Variants in ELAPOR1 observed in about 807,000 individuals in gnomAD.
The protein encoded by ELAPOR1 is endosome/lysosome-associated apoptosis and autophagy regulator 1.
In ELAPOR1, 77 loss-of-function variants were observed where a neutral mutation model predicts 119.7. The ratio of observed to expected loss-of-function variants is 0.64; its 90% CI spans 0.54 to 0.78. ELAPOR1 has a LOEUF of 0.78. ELAPOR1 is among the 30% of genes least tolerant of loss of function. ELAPOR1 has a pLI of 0.00. For synonymous variants in ELAPOR1, 481 were observed against 487.2 expected (o/e 0.99, Z 0.17); for missense variants, 1,115 against 1,270.4 (o/e 0.88, Z 1.86).
At chr1:109,123,403 T>C (rs1456951103) in intron 1 of ELAPOR1, among the ~76,000 whole-genome samples, 3 of 152,200 alleles carry the variant, frequency 2.0e-5, no homozygotes. Context: ...TTTATATACT[T>C]TCAGCATCTT....
In ELAPOR1 at chr1:109,204,793, A is replaced by T. The variant is rs573929302; in HGVS notation, c.*1781A>T. On this transcript the variant is annotated 3_prime_UTR_variant, in exon 22 of 22. Transcript: ENST00000369939. Reference sequence around the variant, plus strand: ...GTTTAACAAGATTTTCACTGGGCCCAGCATGGTGGCTCACACCTGTAATCC... The same window carrying T: ...GTTTAACAAGATTTTCACTGGGCCCTGCATGGTGGCTCACACCTGTAATCC... The T allele has an allele frequency of 7.9e-5, 12 of 152,422 alleles. No individual in the cohort carries two copies. The East Asian group carries it at 2.3e-3, about 29-fold the overall frequency. 9.4% of individuals were successfully genotyped at this position (152,422 alleles called of 1,614,324 possible).
intron 1 of ELAPOR1, among the ~76,000 whole-genome samples, chr1:109,115,528 C>G (rs893669378): frequency 4.6e-5 from 7 of 152,200 alleles, no homozygotes; most frequent in African/African-American, 1.7e-4. Context: ...GACTTCCCAC[C>G]TCGGCCTCCC....
intron 1 of ELAPOR1, among the ~76,000 whole-genome samples, chr1:109,122,319 G>A (rs866207125): frequency 3.3e-5 from 5 of 149,812 alleles, no homozygotes; most frequent in African/African-American, 7.4e-5. Flanking sequence ...GATTACAGGC[G>A]TGAGCCACTG....
At chr1:109,201,112 C>G (rs1654149885) in intron 21 of ELAPOR1, among the ~76,000 whole-genome samples, 1 of 152,228 alleles carries the variant, frequency 6.6e-6, no homozygotes, top group South Asian at 2.1e-4. Flanking sequence ...TGCTCTTGAT[C>G]AGGCTCCTTC....
chr1:109,184,542 G>A (rs1652931888), intron 7 of ELAPOR1, among the ~76,000 whole-genome samples: 1 of 152,198 alleles, frequency 6.6e-6, no homozygotes, highest in South Asian at 2.1e-4. Flanking sequence ...GCATATATTA[G>A]AACATTCATA....
At chr1:109,164,381 AG>A (rs1651444155) in intron 2 of ELAPOR1, 117 bp from the exon 3 acceptor site, 1 of 804,964 alleles carries the variant, frequency 1.2e-6, no homozygotes. Context: ...CCTAAATCTT[AG>A]TGGGCCAAAC....
At position 109,186,668 on chromosome 1, in the gene ELAPOR1, A is replaced by G. The variant is rs1479254812; in HGVS notation, c.1042-1509A>G. On this transcript the variant is annotated intron_variant, in intron 8 of 21. Transcript: ENST00000369939. ...TATGACCTTGTGAACATTTATTTTCATTTTCTTGGTCTCAGCCAACTCACT... is the reference window on the plus strand; with the variant it reads ...TATGACCTTGTGAACATTTATTTTCGTTTTCTTGGTCTCAGCCAACTCACT... 10 of 985,196 alleles carry G rather than the reference A, an allele frequency of 1.0e-5. No individual in the cohort carries two copies. In the Admixed American group the frequency reaches 6.2e-4, roughly 61 times the overall value. The allele number at this position is 985,196 out of a possible 1,614,324, so 61.0% of individuals were successfully genotyped here. A position where few individuals can be genotyped will look rare whatever the true frequency, so the allele number is the denominator to read the frequency against.
chr1:109,185,832 TG>T (rs1265826905), intron 8 of ELAPOR1, among the ~76,000 whole-genome samples: 1 of 151,930 alleles, frequency 6.6e-6, no homozygotes, highest in Non-Finnish European at 1.5e-5. Flanking sequence ...GACCAGGACT[TG>T]GGGTGGGGGC....
intron 1 of ELAPOR1, among the ~76,000 whole-genome samples, chr1:109,123,606 A>T (rs890231882): frequency 1.3e-5 from 2 of 152,304 alleles, no homozygotes; most frequent in East Asian, 1.9e-4. Flanking sequence ...ATACTATTTT[A>T]AAATAATCTT....
rs143376701 is a variant in ELAPOR1 at position 109,118,594 on chromosome 1, C to T, written c.153+4258C>T. Among the ~76,000 whole-genome samples, 17 of 152,182 alleles carry T rather than the reference C, an allele frequency of 1.1e-4. No individual in the cohort carries two copies. In the East Asian group the frequency reaches 3.1e-3, roughly 28 times the overall value. On this transcript the variant is annotated intron_variant, in intron 1 of 21. Coordinates refer to ENST00000369939, the MANE Select transcript of ELAPOR1 (RefSeq NM_020775.5). ...GGGGGCAGTGGAATACATGGAAAGG[C>T]GTCTGTGTGAAAAACATGCTGACGG...
chr1:109,182,883 A>AAAT (rs1156971183), intron 7 of ELAPOR1, among the ~76,000 whole-genome samples: 4 of 151,842 alleles, frequency 2.6e-5, no homozygotes, highest in African/African-American at 9.7e-5. Flanking sequence ...AAAAAAAAAA[A>AAAT]AAATCTCATT....
chr1:109,150,633 A>AAG (rs1364292263), intron 1 of ELAPOR1, among the ~76,000 whole-genome samples: 1 of 152,208 alleles, frequency 6.6e-6, no homozygotes, highest in Non-Finnish European at 1.5e-5. Flanking sequence ...AGACTCTGGC[A>AAG]TCCTAACATT....
chr1:109,191,596 C>G, intron 12 of ELAPOR1, 125 bp downstream of exon 12: 1 of 1,422,844 alleles, frequency 7.0e-7, no homozygotes. Context: ...AAGGCCCAGA[C>G]TGACCAGCAG....
chr1:109,153,132 T>A (rs1378990017), intron 1 of ELAPOR1, among the ~76,000 whole-genome samples: 4 of 151,996 alleles, frequency 2.6e-5, no homozygotes, highest in Admixed American at 2.0e-4. Flanking sequence ...TTTGTTTTTT[T>A]AATATATATT....
chr1:109,156,236 T>C (rs951206976), intron 1 of ELAPOR1, among the ~76,000 whole-genome samples: 9 of 152,112 alleles, frequency 5.9e-5, no homozygotes, highest in Non-Finnish European at 1.2e-4. Flanking sequence ...ACTTTTACCT[T>C]CTAGAGTACT....
intron 1 of ELAPOR1, among the ~76,000 whole-genome samples, chr1:109,130,269 C>A (rs1237287290): frequency 6.6e-6 from 1 of 152,108 alleles, no homozygotes; most frequent in Non-Finnish European, 1.5e-5. Context: ...AGTGCACCGG[C>A]ACGTAGTATA....
chr1:109,178,494 G>T (rs2101076642), intron 7 of ELAPOR1, among the ~76,000 whole-genome samples: 2 of 152,308 alleles, frequency 1.3e-5, no homozygotes, highest in Middle Eastern at 6.8e-3. Context: ...AGTGACAGAA[G>T]GTCCATGCAT....
At chr1:109,152,951 CCAAAAAAAAAAA>C (rs1650623271) in intron 1 of ELAPOR1, among the ~76,000 whole-genome samples, 8 of 51,280 alleles carry the variant, frequency 1.6e-4, no homozygotes, top group Non-Finnish European at 3.5e-4. Context: ...GACCCTGTCT[CCAAAAAAAAAAA>C]AAAAAAGAAA....
chr1:109,138,041 CTT>C (rs924150226), intron 1 of ELAPOR1, among the ~76,000 whole-genome samples: 2 of 152,212 alleles, frequency 1.3e-5, no homozygotes, highest in African/African-American at 4.8e-5. Context: ...GGTGCAGAAA[CTT>C]TATCAACTAG....
Sources: gnomAD v4.1 joint callset for allele counts (sites outside exome capture counted in the v4.1 genomes callset) on GRCh38, gnomAD v4.1.1 for gene constraint, MANE v1.5 for transcripts, NCBI Gene and HGNC (gene_info 2026-07-23, HGNC 2026-07-21) for gene names.